The following DLGAP1 variants were observed in gnomAD, a reference collection of about 807,000 sequenced individuals.
The protein encoded by DLGAP1 is DLG associated protein 1.
Under a neutral mutation model 90.8 loss-of-function variants are expected in DLGAP1, and 11 were observed. The ratio of observed to expected loss-of-function variants is 0.12; its 90% confidence interval spans 0.08 to 0.20. The LOEUF (loss-of-function observed/expected upper bound fraction) is 0.20. DLGAP1 is among the 10% of genes least tolerant of loss of function. DLGAP1 has a pLI of 1.00. For missense variants in DLGAP1, 1,050 were observed against 1,333.8 expected (o/e 0.79, Z 3.31); for synonymous variants, 558 against 540.7 (o/e 1.03, Z -0.44).
chr18:3,788,376 T>C (rs1005573900), intron 5 of DLGAP1, among the ~76,000 whole-genome samples: 3 of 152,324 alleles, frequency 2.0e-5, no homozygotes, highest in Admixed American at 2.0e-4. Context: ...TCCCCCCTGC[T>C]TAATCCTTTC....
At chr18:3,629,335 C>T (rs987350621) in intron 7 of DLGAP1, among the ~76,000 whole-genome samples, 5 of 151,990 alleles carry the variant, frequency 3.3e-5, no homozygotes, top group African/African-American at 1.2e-4. Flanking sequence ...TGCACTCCAG[C>T]TTGAGTGACA....
At chr18:3,831,211 G>T (rs1367750738) in intron 4 of DLGAP1, among the ~76,000 whole-genome samples, 1 of 152,150 alleles carries the variant, frequency 6.6e-6, no homozygotes, top group Non-Finnish European at 1.5e-5. Flanking sequence ...CCCCAGCAGG[G>T]TCAACTGAAC....
intron 4 of DLGAP1, among the ~76,000 whole-genome samples, chr18:3,852,726 A>G (rs1228640062): frequency 5.3e-5 from 8 of 152,156 alleles, no homozygotes; most frequent in Admixed American, 5.2e-4. Flanking sequence ...ATTTGGAAAT[A>G]CCTTTTCTGC....
At chr18:4,168,092 A>G (rs768724382) in intron 1 of DLGAP1, among the ~76,000 whole-genome samples, 10 of 152,228 alleles carry the variant, frequency 6.6e-5, no homozygotes, top group Non-Finnish European at 1.2e-4. Flanking sequence ...AGCTTTTAAA[A>G]AAATGTATAT....
chr18:3,606,640 T>C (rs912434174), intron 7 of DLGAP1: 4 of 152,212 alleles, frequency 2.6e-5, no homozygotes, highest in African/African-American at 7.2e-5. Context: ...CAAATTACTA[T>C]GTATGTGAGC....
At chr18:4,357,258 A>C (rs2081541456) in intron 1 of DLGAP1, among the ~76,000 whole-genome samples, 1 of 141,014 alleles carries the variant, frequency 7.1e-6, no homozygotes, top group Non-Finnish European at 1.5e-5. Flanking sequence ...GGTTCAAGTG[A>C]TTCTCCTGTC....
Position 4,187,983 on chromosome 18 carries a change from G to A in DLGAP1, c.-266-36696C>T, listed in dbSNP as rs148654980. On this transcript the variant is annotated intron_variant, in intron 1 of 12. Coordinates refer to ENST00000315677, the MANE Select transcript of DLGAP1 (RefSeq NM_004746.4). ...ACTGCACTCCAGCCTAGGAGACAGA[G>A]TGAGACCCTGTCTCAAAACAAAAAC... 7.9e-4 allele frequency among the ~76,000 whole-genome samples: 120 copies of A among 152,256 alleles called. 2 individuals are homozygous for A. The East Asian group carries it at 0.022, about 27-fold the overall frequency.
At chr18:3,533,290 T>C (rs2052133982) in intron 10 of DLGAP1, among the ~76,000 whole-genome samples, 1 of 152,178 alleles carries the variant, frequency 6.6e-6, no homozygotes, top group Admixed American at 6.6e-5. Flanking sequence ...AAAAAGAGTG[T>C]CCATTATTTA....
At chr18:4,018,072 A>G (rs943998433) in intron 2 of DLGAP1, among the ~76,000 whole-genome samples, 1 of 152,232 alleles carries the variant, frequency 6.6e-6, no homozygotes, top group African/African-American at 2.4e-5. Flanking sequence ...GATACTAACA[A>G]CGATTATATT....
chr18:3,891,957 G>T (rs1160644083), intron 3 of DLGAP1: 2 of 151,834 alleles, frequency 1.3e-5, no homozygotes, highest in Non-Finnish European at 2.9e-5. Flanking sequence ...TGCCCAGGCT[G>T]GTCTCGAGCT....
chr18:4,082,089 C>T (rs912649471), intron 2 of DLGAP1, among the ~76,000 whole-genome samples: 12 of 152,000 alleles, frequency 7.9e-5, no homozygotes, highest in Non-Finnish European at 1.6e-4. Context: ...ACCTGTACTC[C>T]TAGCACCTTG....
At chr18:4,114,795 G>T (rs927793129) in intron 2 of DLGAP1, among the ~76,000 whole-genome samples, 1 of 151,900 alleles carries the variant, frequency 6.6e-6, no homozygotes. Flanking sequence ...GTTTCTGTTT[G>T]CATGGTATAT....
chr18:4,080,435 T>C (rs963336499), intron 2 of DLGAP1, among the ~76,000 whole-genome samples: 15 of 152,222 alleles, frequency 9.9e-5, no homozygotes, highest in Admixed American at 8.5e-4. Context: ...ATATAGTTCT[T>C]TGACATATTT....
intron 6 of DLGAP1, among the ~76,000 whole-genome samples, chr18:3,740,175 C>T (rs890395141): frequency 6.6e-6 from 1 of 151,996 alleles, no homozygotes; most frequent in Non-Finnish European, 1.5e-5. Flanking sequence ...CATGTATGAC[C>T]CCTAGGTTTG....
At chr18:4,009,923 T>TA (rs2074384004) in intron 2 of DLGAP1, among the ~76,000 whole-genome samples, 1 of 152,180 alleles carries the variant, frequency 6.6e-6, no homozygotes, top group East Asian at 1.9e-4. Flanking sequence ...GAAGGATTCT[T>TA]AGACTCCCAT....
intron 11 of DLGAP1, among the ~76,000 whole-genome samples, chr18:3,503,940 AC>A (rs2050076885): frequency 6.6e-6 from 1 of 152,204 alleles, no homozygotes. Context: ...TACTGAAAAT[AC>A]AAAAATAATC....
At chr18:3,976,560 C>T (rs1195077785) in intron 3 of DLGAP1, among the ~76,000 whole-genome samples, 3 of 152,118 alleles carry the variant, frequency 2.0e-5, no homozygotes, top group Non-Finnish European at 4.4e-5. Context: ...CTTCATGTTA[C>T]TGGGCAGTCT....
chr18:4,334,009 C>A (rs921424348), intron 1 of DLGAP1, among the ~76,000 whole-genome samples: 1 of 151,468 alleles, frequency 6.6e-6, no homozygotes, highest in Non-Finnish European at 1.5e-5. Context: ...GAGGCTAGGG[C>A]AGGTGGATCA....
chr18:4,071,240 G>A (rs937034235), intron 2 of DLGAP1, among the ~76,000 whole-genome samples: 1 of 5,378 alleles, frequency 1.9e-4, no homozygotes, highest in East Asian at 0.031. Context: ...AGATATACAT[G>A]TGTGTGTGTG....
Sources: gnomAD v4.1 joint callset for allele counts (sites outside exome capture counted in the v4.1 genomes callset) on GRCh38, gnomAD v4.1.1 for gene constraint, MANE v1.5 for transcripts, NCBI Gene and HGNC (gene_info 2026-07-23, HGNC 2026-07-21) for gene names.